ZNF284: variants seen among roughly 807,000 people sequenced by gnomAD.
ZNF284 encodes zinc finger protein 284.
A neutral mutation model predicts 12.9 loss-of-function variants in ZNF284; 12 were observed. That is an observed-to-expected ratio of 0.93 (90% CI 0.60 to 1.51). The LOEUF is 1.51. Ranked by LOEUF, ZNF284 falls within the 40% of genes most tolerant of loss-of-function variation. The pLI is 0.00. For synonymous variants in ZNF284, 225 were observed against 236.5 expected (o/e 0.95, Z 0.45); for missense variants, 667 against 707.3 (o/e 0.94, Z 0.65).
rs56353321 is a variant in ZNF284, at chr19:44,088,250, T to C, written c.*990T>C. On this transcript the variant is annotated 3_prime_UTR_variant, in exon 5 of 5. Transcript: ENST00000421176. Reference sequence around the variant, plus strand: ...CTTCTATGATGTCAACTTTTTAGCTTCCACATATGTGTGAAAACATGTGGT... The same window carrying C: ...CTTCTATGATGTCAACTTTTTAGCTCCCACATATGTGTGAAAACATGTGGT... 97,435 of 152,020 alleles carry C rather than the reference T, an allele frequency of 0.64. 34,817 individuals are homozygous for C. The highest frequency in any genetic ancestry group is 0.83 in the Non-Finnish European group (56,179 of 67,972). The allele number at this position is 152,020 out of a possible 1,614,324, so 9.4% of individuals were successfully genotyped here.
chr19:44,087,056 T>C lies in ZNF284; in HGVS notation c.1578T>C (p.His526=). 1 of 1,614,062 alleles carries C rather than the reference T, an allele frequency of 6.2e-7. No homozygotes were observed. The highest frequency in any genetic ancestry group is 1.1e-5 in the South Asian group (1 of 91,066). The stretch of plus-strand genomic sequence containing the variant: ...AGGGATTCAGATGGGCCTCAACTCA[T>C]CTAACCCATCAAAGACTCCACAGCA... ...CGKGFRWAST[H]LTHQRLHSRE... The change falls in exon 5 of 5, where the codon CAT becomes CAC. Residue 526 remains histidine, a synonymous_variant. Transcript: ENST00000421176.
At chr19:44,081,165 T>C (rs2147501250) in intron 3 of ZNF284, 24 bp downstream of exon 3, 2 of 1,601,206 alleles carry the variant, frequency 1.2e-6, no homozygotes, top group African/African-American at 1.3e-5. Flanking sequence ...CCCTCTGTAA[T>C]GGAACATCAG....
intron 2 of ZNF284, 65 bp from the exon 3 acceptor site, chr19:44,080,950 A>C (rs1967111358): frequency 1.3e-6 from 2 of 1,562,722 alleles, no homozygotes; most frequent in Non-Finnish European, 1.7e-6. Flanking sequence ...TCACCTGCTC[A>C]TTGCCACCCT....
chr19:44,074,667 A>G (rs148875557), intron 1 of ZNF284, among the ~76,000 whole-genome samples: 1 of 152,142 alleles, frequency 6.6e-6, no homozygotes, highest in African/African-American at 2.4e-5. Context: ...AACATGCTAG[A>G]TACTATTAGA....
chr19:44,080,376 C>T (rs535594449), intron 2 of ZNF284, among the ~76,000 whole-genome samples: 1 of 152,272 alleles, frequency 6.6e-6, no homozygotes, highest in South Asian at 2.1e-4. Flanking sequence ...GCCGGCAAAT[C>T]GCCTGAGGTC....
At chr19:44,076,516 C>T (rs1012430966) in intron 2 of ZNF284, 112 bp downstream of exon 2, 15 of 1,137,786 alleles carry the variant, frequency 1.3e-5, no homozygotes, top group East Asian at 2.6e-5. Context: ...TATTTGTGCA[C>T]CTGTTGTGTG....
intron 2 of ZNF284, among the ~76,000 whole-genome samples, chr19:44,079,744 AAAAG>A (rs1967090450): frequency 6.6e-6 from 1 of 150,630 alleles, no homozygotes; most frequent in African/African-American, 2.4e-5. Context: ...AAACAGCAAA[AAAAG>A]AGAAACCCCA....
At chr19:44,073,613 G>A (rs1966981921) in intron 1 of ZNF284, among the ~76,000 whole-genome samples, 1 of 150,668 alleles carries the variant, frequency 6.6e-6, no homozygotes, top group Non-Finnish European at 1.5e-5. Context: ...GCACGATCTC[G>A]GCTCACTGCT....
chr19:44,087,905 G>C lies in ZNF284; in HGVS notation c.*645G>C, dbSNP rs1440994910. ...CTGCCTTGGCCTCCCGAGTAGCTGGGACTACAGGCGCCCGCCACCACACCT... is the reference window on the plus strand; with the variant it reads ...CTGCCTTGGCCTCCCGAGTAGCTGGCACTACAGGCGCCCGCCACCACACCT... On this transcript the variant is annotated 3_prime_UTR_variant, in exon 5 of 5. Coordinates refer to ENST00000421176, the MANE Select transcript of ZNF284 (RefSeq NM_001037813.4). The C allele has an allele frequency of 6.6e-6, 1 of 151,684 alleles. No homozygotes were observed. The highest frequency in any genetic ancestry group is 1.5e-5 in the Non-Finnish European group (1 of 68,098). 9.4% of individuals were successfully genotyped at this position (151,684 alleles called of 1,614,324 possible). A position where few individuals can be genotyped will look rare whatever the true frequency, so the allele number is the denominator to read the frequency against.
intron 2 of ZNF284, among the ~76,000 whole-genome samples, chr19:44,079,928 CA>C (rs1327717474): frequency 6.6e-6 from 1 of 150,808 alleles, no homozygotes; most frequent in African/African-American, 2.4e-5. Context: ...AACTCCGTCT[CA>C]AAAAAAAGAC....
Position 44,086,668 on chromosome 19 carries a change from C to A in ZNF284, c.1190C>A (p.Thr397Lys), listed in dbSNP as rs774443661. The A allele has an allele frequency of 6.2e-7, 1 of 1,613,926 alleles. No individual in the cohort carries two copies. The highest frequency in any genetic ancestry group is 1.3e-5 in the African/African-American group (1 of 74,980). The change falls in exon 5 of 5, where the codon ACA (threonine) becomes AAA (lysine). Residue 397 changes from threonine to lysine, a missense_variant. Physicochemically the swap from Thr to Lys is moderately conservative, Grantham distance 78 (BLOSUM62 -1). Transcript: ENST00000421176. ...SRHQRVHNGE[T>K]TFKCDGCGKR... ...CATCAGCGGGTCCACAATGGAGAAA[C>A]AACATTCAAGTGCGACGGATGTGGG...
At chr19:44,072,783 GGA>G (rs2147490196) in intron 1 of ZNF284, among the ~76,000 whole-genome samples, 3 of 152,326 alleles carry the variant, frequency 2.0e-5, no homozygotes, top group African/African-American at 7.2e-5. Flanking sequence ...CCTCTTTTTA[GGA>G]AGGCGAGGGT....
At position 44,086,746 on chromosome 19, in the gene ZNF284, A is replaced by G. The variant is rs759549282; in HGVS notation, c.1268A>G (p.Glu423Gly). The G allele has an allele frequency of 6.2e-6, 10 of 1,613,996 alleles. No homozygotes were observed. Among genetic ancestry groups the G allele is most frequent in the South Asian group, 1.1e-5 (1 of 91,056 alleles). ...QGHSHQRAYREEELYKCQKCG... is the reference protein window; with the variant it reads ...QGHSHQRAYRGEELYKCQKCG... ...CATTCACATCAGAGAGCCTATAGAG[A>G]AGAAGAACTGTATAAATGTCAGAAG... The change falls in exon 5 of 5, where the codon GAA becomes GGA. Residue 423 changes from glutamate to glycine, a missense_variant. Physicochemically the swap from Glu to Gly is moderately conservative, Grantham distance 98. Coordinates refer to ENST00000421176, the MANE Select transcript of ZNF284 (RefSeq NM_001037813.4).
In ZNF284 at chr19:44,086,324, T is replaced by C; in HGVS notation, c.846T>C (p.Thr282=). 1.9e-6 allele frequency: 3 copies of C among 1,614,160 alleles called. No homozygotes were observed. Among genetic ancestry groups the C allele is most frequent in the South Asian group, 2.2e-5 (2 of 91,080 alleles). The part of the protein sequence containing the change: ...SQLREHQRIH[T]GEKPFKCYIC... Reference sequence around the variant, plus strand: ...TTCGGGAACATCAAAGAATCCATACTGGGGAGAAGCCATTCAAATGTTATA... The same window carrying C: ...TTCGGGAACATCAAAGAATCCATACCGGGGAGAAGCCATTCAAATGTTATA... The change falls in exon 5 of 5, where the codon ACT becomes ACC. Residue 282 remains threonine (T), a synonymous_variant. Coordinates refer to ENST00000421176, the MANE Select transcript of ZNF284 (RefSeq NM_001037813.4).
chr19:44,075,403 G>A (rs542902799), intron 1 of ZNF284, among the ~76,000 whole-genome samples: 1 of 152,304 alleles, frequency 6.6e-6, no homozygotes, highest in South Asian at 2.1e-4. Flanking sequence ...TACGTTTAGA[G>A]TATGCATGAT....
chr19:44,079,153 T>C (rs1439120692), intron 2 of ZNF284, among the ~76,000 whole-genome samples: 1 of 152,192 alleles, frequency 6.6e-6, no homozygotes, highest in East Asian at 1.9e-4. Context: ...CTTTGCAGGA[T>C]TGGTATTAAT....
chr19:44,084,673 A>G (rs1020267098), intron 4 of ZNF284, among the ~76,000 whole-genome samples: 4 of 152,098 alleles, frequency 2.6e-5, no homozygotes, highest in African/African-American at 9.7e-5. Context: ...TATGTGGCCT[A>G]GATTGCTGGG....
chr19:44,075,138 C>G (rs935349155), intron 1 of ZNF284, among the ~76,000 whole-genome samples: 2 of 152,158 alleles, frequency 1.3e-5, no homozygotes, highest in African/African-American at 4.8e-5. Flanking sequence ...GTTATCTAAT[C>G]TGCAGCTTCC....
At position 44,086,705 on chromosome 19, in the gene ZNF284, T is replaced by C. The variant is rs1349556462; in HGVS notation, c.1227T>C (p.Tyr409=). 6.2e-7 allele frequency: 1 copy of C among 1,613,980 alleles called. No homozygotes were observed. The highest frequency in any genetic ancestry group is 2.2e-5 in the East Asian group (1 of 44,894). Residue 409 remains tyrosine, a synonymous_variant, in exon 5 of 5, where the codon TAT becomes TAC. Coordinates refer to ENST00000421176, the MANE Select transcript of ZNF284 (RefSeq NM_001037813.4). Reference sequence around the variant, plus strand: ...GCGACGGATGTGGGAAGAGATTTTATATGAATTCACAGGGCCATTCACATC... The same window carrying C: ...GCGACGGATGTGGGAAGAGATTTTACATGAATTCACAGGGCCATTCACATC... The part of the protein sequence containing the change: ...FKCDGCGKRF[Y]MNSQGHSHQR...
Sources: gnomAD v4.1 joint callset for allele counts (sites outside exome capture counted in the v4.1 genomes callset) on GRCh38, gnomAD v4.1.1 for gene constraint, MANE v1.5 for transcripts, NCBI Gene and HGNC (gene_info 2026-07-23, HGNC 2026-07-21) for gene names.